Variants in CDH13 observed in about 807,000 individuals in gnomAD.
The protein encoded by CDH13 is cadherin-13.
CDH13 carries 24 observed loss-of-function variants against 63.8 expected under a neutral mutation model. That is an observed-to-expected ratio of 0.38 (90% CI 0.27 to 0.53). CDH13 has a LOEUF of 0.53. CDH13 is among the 20% of genes least tolerant of loss of function. The pLI is 0.85. For missense variants in CDH13, 1,049 were observed against 903.1 expected, an observed-to-expected ratio of 1.16 and a Z score of -2.07; for synonymous variants, 503 against 355.3, an observed-to-expected ratio of 1.42 and a Z score of -4.67.
intron 6 of CDH13, among the ~76,000 whole-genome samples, chr16:83,385,752 G>A (rs1275275129): frequency 1.3e-5 from 2 of 152,088 alleles, no homozygotes; most frequent in Non-Finnish European, 2.9e-5. Flanking sequence ...GAATATATGG[G>A]AACCTCCTCA....
intron 9 of CDH13, among the ~76,000 whole-genome samples, chr16:83,672,984 T>C (rs1914646735): frequency 6.6e-6 from 1 of 152,260 alleles, no homozygotes; most frequent in South Asian, 2.1e-4. Flanking sequence ...CAGGGTTTCC[T>C]AATAACTTTG....
rs137864670 is a variant in CDH13, at chr16:83,411,918, A to G, written c.781+66912A>G. ...TACAGAGGAAAAACACGAGCTTGTA[A>G]TTGCATGATAAGCGCATAAGGAGCA... On this transcript the variant is annotated intron_variant, in intron 6 of 13. Transcript: ENST00000567109. Among the ~76,000 whole-genome samples the G allele has an allele frequency of 3.9e-4, 60 of 152,338 alleles. No homozygotes were observed. In the East Asian group the frequency reaches 8.7e-3, roughly 22 times the overall value.
intron 2 of CDH13, chr16:82,859,787 A>C (rs2039859679): frequency 6.6e-6 from 1 of 151,932 alleles, no homozygotes; most frequent in Admixed American, 6.6e-5. Flanking sequence ...GCTGGGACAC[A>C]CTCTAAGAGT....
At chr16:83,385,979 A>G (rs1474851133) in intron 6 of CDH13, among the ~76,000 whole-genome samples, 1 of 152,232 alleles carries the variant, frequency 6.6e-6, no homozygotes, top group African/African-American at 2.4e-5. Context: ...AGCCAGCCCT[A>G]TATTCTAGAA....
chr16:83,271,460 T>A (rs2088811034), intron 5 of CDH13, among the ~76,000 whole-genome samples: 1 of 32,908 alleles, frequency 3.0e-5, no homozygotes, highest in South Asian at 1.1e-3. Context: ...AAATTCATGG[T>A]TGCTGTTAGA....
intron 2 of CDH13, among the ~76,000 whole-genome samples, chr16:83,021,575 T>C (rs979681338): frequency 7.2e-5 from 11 of 152,170 alleles, no homozygotes; most frequent in African/African-American, 2.2e-4. Flanking sequence ...ATGGCAAAAA[T>C]AGGTTTCTGC....
chr16:83,297,262 T>A (rs1304773008), intron 5 of CDH13, among the ~76,000 whole-genome samples: 1 of 152,106 alleles, frequency 6.6e-6, no homozygotes, highest in Non-Finnish European at 1.5e-5. Context: ...ATGGCAAGTG[T>A]TTGAGATGAT....
chr16:82,921,075 A>G (rs180692398), intron 2 of CDH13, among the ~76,000 whole-genome samples: 1 of 152,132 alleles, frequency 6.6e-6, no homozygotes, highest in Non-Finnish European at 1.5e-5. Context: ...CATACCTTTA[A>G]TAAAGCCTAG....
At chr16:83,374,778 C>G (rs2091431756) in intron 6 of CDH13, among the ~76,000 whole-genome samples, 1 of 152,170 alleles carries the variant, frequency 6.6e-6, no homozygotes, top group South Asian at 2.1e-4. Context: ...ATTAAAGATG[C>G]ATAATATCTA....
intron 1 of CDH13, among the ~76,000 whole-genome samples, chr16:82,830,113 G>T (rs926966133): frequency 6.6e-6 from 1 of 152,144 alleles, no homozygotes; most frequent in Non-Finnish European, 1.5e-5. Flanking sequence ...AGATGAGGGA[G>T]CAAAGTTTTT....
At chr16:83,321,092 TAGA>T (rs1191597190) in intron 5 of CDH13, among the ~76,000 whole-genome samples, 1 of 152,214 alleles carries the variant, frequency 6.6e-6, no homozygotes, top group African/African-American at 2.4e-5. Context: ...GGAATACAAA[TAGA>T]AGGAGATTGA....
chr16:83,657,401 G>A (rs1912963929), intron 8 of CDH13, among the ~76,000 whole-genome samples: 1 of 152,092 alleles, frequency 6.6e-6, no homozygotes, highest in Non-Finnish European at 1.5e-5. Flanking sequence ...GATCCCCTTG[G>A]GATAGCTTCT....
At chr16:82,962,145 T>C (rs187618190) in intron 2 of CDH13, among the ~76,000 whole-genome samples, 1 of 152,256 alleles carries the variant, frequency 6.6e-6, no homozygotes, top group Non-Finnish European at 1.5e-5. Context: ...GGTCTTGAGA[T>C]CAAATAATCC....
At chr16:83,251,793 C>A (rs1298707917) in intron 5 of CDH13, among the ~76,000 whole-genome samples, 1 of 152,114 alleles carries the variant, frequency 6.6e-6, no homozygotes, top group Non-Finnish European at 1.5e-5. Flanking sequence ...TCAGGCAACC[C>A]AAAATCAGGG....
chr16:82,665,437 C>A (rs1251551216), intron 1 of CDH13, among the ~76,000 whole-genome samples: 4 of 152,128 alleles, frequency 2.6e-5, no homozygotes, highest in African/African-American at 9.7e-5. Flanking sequence ...TGACCAGAGG[C>A]TCACAGGAAC....
At chr16:82,629,994 C>T (rs1262513609) in intron 1 of CDH13, among the ~76,000 whole-genome samples, 1 of 152,108 alleles carries the variant, frequency 6.6e-6, no homozygotes, top group Admixed American at 6.5e-5. Context: ...GGGGTTCAGG[C>T]TTGGAGGACA....
chr16:83,711,848 T>C (rs965947503), intron 10 of CDH13, among the ~76,000 whole-genome samples: 1 of 152,228 alleles, frequency 6.6e-6, no homozygotes, highest in African/African-American at 2.4e-5. Context: ...TAGTAGACAT[T>C]GCATTCTTTC....
At chr16:82,647,819 T>C (rs1910276057) in intron 1 of CDH13, among the ~76,000 whole-genome samples, 1 of 152,084 alleles carries the variant, frequency 6.6e-6, no homozygotes, top group African/African-American at 2.4e-5. Flanking sequence ...GTGTCTAATG[T>C]GGTAAGTATC....
At chr16:82,899,688 C>T (rs929930117) in intron 2 of CDH13, among the ~76,000 whole-genome samples, 1 of 152,130 alleles carries the variant, frequency 6.6e-6, no homozygotes, top group East Asian at 1.9e-4. Flanking sequence ...GGTTTATAGT[C>T]ATGCAGTGAA....
Sources: gnomAD v4.1 joint callset for allele counts (sites outside exome capture counted in the v4.1 genomes callset) on GRCh38, gnomAD v4.1.1 for gene constraint, MANE v1.5 for transcripts, NCBI Gene and HGNC (gene_info 2026-07-23, HGNC 2026-07-21) for gene names.